The following ZFAND3 variants were observed in gnomAD, a reference collection of about 807,000 sequenced individuals.
The protein encoded by ZFAND3 is zinc finger AN1-type containing 3, also known as AN1-type zinc finger protein 3.
In ZFAND3, 10 loss-of-function variants were observed where a neutral mutation model predicts 29.6. That is an observed-to-expected ratio of 0.34 (90% CI 0.21 to 0.57). The LOEUF is 0.57. Ranked by LOEUF, ZFAND3 falls within the 20% of genes least tolerant of loss-of-function variation. ZFAND3 has a pLI of 0.86. For missense variants in ZFAND3, 230 were observed against 304.5 expected, an observed-to-expected ratio of 0.76 and a Z score of 1.82; for synonymous variants, 128 against 112.6, an observed-to-expected ratio of 1.14 and a Z score of -0.87.
chr6:38,045,515 T>G (rs1763885991), intron 2 of ZFAND3, among the ~76,000 whole-genome samples: 1 of 152,210 alleles, frequency 6.6e-6, no homozygotes, highest in Admixed American at 6.5e-5. Context: ...GCAGTTCATG[T>G]AAAATTTTGT....
intron 1 of ZFAND3, among the ~76,000 whole-genome samples, chr6:37,866,588 T>G (rs779420340): frequency 6.6e-6 from 1 of 152,232 alleles, no homozygotes; most frequent in African/African-American, 2.4e-5. Flanking sequence ...TAAGGCTGTT[T>G]TGTTGACTGC....
At chr6:38,144,201 A>ATTATATATATAATATATATATATATATAT (rs1554183966) in intron 5 of ZFAND3, among the ~76,000 whole-genome samples, 1 of 44,044 alleles carries the variant, frequency 2.3e-5, no homozygotes, top group Non-Finnish European at 4.5e-5. Context: ...ATATATATAT[A>ATTATATATATAATATATATATATATATAT]TATATATATA....
chr6:38,126,717 A>G (rs1398685540), intron 5 of ZFAND3, among the ~76,000 whole-genome samples: 2 of 152,152 alleles, frequency 1.3e-5, no homozygotes, highest in African/African-American at 2.4e-5. Flanking sequence ...GAGTCTGTTC[A>G]CACTTTAAAA....
At chr6:37,824,463 A>C (rs920032569) in intron 1 of ZFAND3, among the ~76,000 whole-genome samples, 16 of 152,230 alleles carry the variant, frequency 1.1e-4, no homozygotes, top group African/African-American at 3.1e-4. Flanking sequence ...ATAGGATAAT[A>C]GGGTAATTAG....
chr6:37,824,214 T>C (rs1404391923), intron 1 of ZFAND3, among the ~76,000 whole-genome samples: 1 of 152,274 alleles, frequency 6.6e-6, no homozygotes, highest in African/African-American at 2.4e-5. Context: ...TATTTGTTGA[T>C]AATTGTTGTA....
At chr6:38,145,180 C>T (rs773345417) in intron 5 of ZFAND3, among the ~76,000 whole-genome samples, 26 of 152,288 alleles carry the variant, frequency 1.7e-4, no homozygotes, top group Non-Finnish European at 3.1e-4. Context: ...GTAGCCATTC[C>T]CTGTGGCCAC....
chr6:37,963,019 C>A (rs114081923), intron 2 of ZFAND3, among the ~76,000 whole-genome samples: 10 of 152,100 alleles, frequency 6.6e-5, no homozygotes, highest in Admixed American at 6.5e-4. Context: ...TGAAGTCATG[C>A]GAGACCACAA....
intron 1 of ZFAND3, among the ~76,000 whole-genome samples, chr6:37,859,086 A>G (rs777343978): frequency 3.4e-4 from 51 of 152,226 alleles, no homozygotes; most frequent in Non-Finnish European, 6.3e-4. Flanking sequence ...GATGTAAAGA[A>G]CTTTGATTTT....
intron 1 of ZFAND3, among the ~76,000 whole-genome samples, chr6:37,875,289 G>T (rs935881191): frequency 6.6e-6 from 1 of 152,176 alleles, no homozygotes; most frequent in Non-Finnish European, 1.5e-5. Context: ...CTTGGAAAGT[G>T]ATTTGAAATA....
At chr6:38,033,665 G>A (rs1272635156) in intron 2 of ZFAND3, among the ~76,000 whole-genome samples, 1 of 152,132 alleles carries the variant, frequency 6.6e-6, no homozygotes, top group Non-Finnish European at 1.5e-5. Context: ...TTCTATGTCA[G>A]TGCCTATAAT....
intron 1 of ZFAND3, among the ~76,000 whole-genome samples, chr6:37,914,405 A>C (rs543625034): frequency 3.4e-4 from 52 of 152,188 alleles, no homozygotes; most frequent in African/African-American, 1.2e-3. Context: ...GGGGTGCTGG[A>C]GCGCAGTGGT....
chr6:37,935,836 T>G (rs575130574), intron 2 of ZFAND3, among the ~76,000 whole-genome samples: 3 of 152,226 alleles, frequency 2.0e-5, no homozygotes, highest in Non-Finnish European at 4.4e-5. Context: ...GTGATCTTTG[T>G]CAGTTCTGAG....
At chr6:38,078,849 G>C (rs542202759) in intron 3 of ZFAND3, among the ~76,000 whole-genome samples, 2 of 152,094 alleles carry the variant, frequency 1.3e-5, no homozygotes, top group Admixed American at 1.3e-4. Context: ...GTGAAAAATG[G>C]GAGCCAAGTT....
At chr6:38,126,923 G>GT (rs200448401) in intron 5 of ZFAND3, among the ~76,000 whole-genome samples, 3,023 of 142,336 alleles carry the variant, frequency 0.021, 42 homozygotes, top group African/African-American at 0.045. Flanking sequence ...TTTTTAGATT[G>GT]TTTTTTTTTT....
chr6:37,839,186 C>CTTT (rs398110036), intron 1 of ZFAND3, among the ~76,000 whole-genome samples: 2 of 147,066 alleles, frequency 1.4e-5, no homozygotes, highest in African/African-American at 2.5e-5. Context: ...TGTAAAATTT[C>CTTT]TTTTTTTTTT....
At position 38,117,256 on chromosome 6, in the gene ZFAND3, C is replaced by CTTTTTTTTT. The variant is rs35684874; in HGVS notation, c.529+531_529+539dup. Among the ~76,000 whole-genome samples the CTTTTTTTTT allele has an allele frequency of 2.4e-4, 23 of 96,352 alleles. 1 individual carries two copies. Among genetic ancestry groups the CTTTTTTTTT allele is most frequent in the Non-Finnish European group, 4.0e-4 (20 of 50,620 alleles). 63.2% of individuals were successfully genotyped at this position (96,352 alleles called of 152,430 possible). ...TAGTCAGTTAATACCTTGAAATAGC[C>CTTTTTTTTT]TTTTTTTTTTTTTTTTTTTTTTCCT... On this transcript the variant is annotated intron_variant, in intron 5 of 5. Transcript: ENST00000287218.
At chr6:37,983,343 C>CTTTTTTTTTTTTTTTTTTT (rs70981516) in intron 2 of ZFAND3, among the ~76,000 whole-genome samples, 3 of 50,040 alleles carry the variant, frequency 6.0e-5, no homozygotes, top group African/African-American at 2.4e-4. Context: ...CAGTTTTTAT[C>CTTTTTTTTTTTTTTTTTTT]TTTTTTTTTT....
chr6:38,081,765 ATTATGC>A (rs891749557), intron 3 of ZFAND3, among the ~76,000 whole-genome samples: 3 of 152,110 alleles, frequency 2.0e-5, no homozygotes, highest in Non-Finnish European at 4.4e-5. Flanking sequence ...ATACTCTTGA[ATTATGC>A]TTATGCATCA....
intron 3 of ZFAND3, among the ~76,000 whole-genome samples, chr6:38,063,704 A>T (rs962441111): frequency 9.2e-5 from 14 of 152,220 alleles, no homozygotes; most frequent in African/African-American, 3.4e-4. Flanking sequence ...AAGAGAATGA[A>T]AGACAAGGCT....
Sources: allele counts gnomAD v4.1 joint callset (sites outside exome capture counted in the v4.1 genomes callset), GRCh38; gene constraint gnomAD v4.1.1; transcripts MANE v1.5; gene names NCBI Gene and HGNC (gene_info 2026-07-23, HGNC 2026-07-21).